PUDP: variants seen among roughly 807,000 people sequenced by gnomAD.
PUDP encodes the protein pseudouridine-5'-phosphatase.
Under a neutral mutation model 9.4 loss-of-function variants are expected in PUDP, and 8 were observed. The ratio of observed to expected loss-of-function variants is 0.85; its 90% CI spans 0.50 to 1.53. The LOEUF is 1.53. Among genes scored for constraint, PUDP ranks in the 40% most tolerant of loss-of-function variants. The pLI, the probability that PUDP is intolerant of heterozygous loss-of-function variation, is 0.00. For missense variants in PUDP, 188 were observed against 189.7 expected (o/e 0.99, Z 0.05); for synonymous variants, 99 against 80.7 (o/e 1.23, Z -1.22).
At chrX:6,802,926 C>A (rs56262770) in intron 3 of PUDP, among the ~76,000 whole-genome samples, 6 of 3,455 alleles carry the variant, frequency 1.7e-3, no homozygotes, top group Admixed American at 5.4e-3. Flanking sequence ...CATAACATAA[C>A]ATAAAATAAT....
intron 3 of PUDP, among the ~76,000 whole-genome samples, chrX:6,796,119 G>T (rs926163639): frequency 3.6e-5 from 4 of 111,976 alleles, no homozygotes; most frequent in Non-Finnish European, 7.5e-5. Flanking sequence ...CAAGTGAAGC[G>T]CAGTGATTCA....
At chrX:6,814,533 T>C (rs1926195906) in intron 3 of PUDP, among the ~76,000 whole-genome samples, 1 of 111,148 alleles carries the variant, frequency 9.0e-6, no homozygotes, top group Admixed American at 9.6e-5. Flanking sequence ...ACCTCCAAAC[T>C]AACCAATGGG....
chrX:6,936,803 C>A (rs1928309856), intron 3 of PUDP, among the ~76,000 whole-genome samples: 1 of 97,242 alleles, frequency 1.0e-5, no homozygotes, highest in South Asian at 5.6e-4. Context: ...GATACAAAAT[C>A]AATGTACAAA....
intron 3 of PUDP, among the ~76,000 whole-genome samples, chrX:6,965,069 G>A (rs1377759304): frequency 1.8e-5 from 2 of 112,021 alleles, no homozygotes; most frequent in Non-Finnish European, 3.8e-5. Flanking sequence ...ATAGGCCAAG[G>A]CTCTCTTCTT....
chrX:6,898,243 G>T (rs1181339514), intron 3 of PUDP, among the ~76,000 whole-genome samples: 2 of 112,806 alleles, frequency 1.8e-5, no homozygotes, highest in African/African-American at 6.4e-5. Context: ...CATCATGGAA[G>T]TAGACACCTC....
chrX:6,707,986 C>T (rs1034946894), intron 1 of PUDP, among the ~76,000 whole-genome samples: 1 of 111,885 alleles, frequency 8.9e-6, no homozygotes, highest in African/African-American at 3.2e-5. Flanking sequence ...TGTTAATTTT[C>T]GACGAAGCTC....
At chrX:6,892,555 G>A (rs991399208) in intron 3 of PUDP, among the ~76,000 whole-genome samples, 3 of 110,259 alleles carry the variant, frequency 2.7e-5, no homozygotes, top group African/African-American at 9.9e-5. Flanking sequence ...GGAAAGACCC[G>A]TCCCCATGAT....
intron 1 of PUDP, among the ~76,000 whole-genome samples, chrX:6,716,288 C>G (rs929679059): frequency 8.1e-5 from 9 of 111,435 alleles, no homozygotes; most frequent in African/African-American, 2.6e-4. Context: ...GATAATGTGT[C>G]AGCAGAATTC....
At chrX:6,953,763 C>A (rs747814776) in intron 3 of PUDP, among the ~76,000 whole-genome samples, 1 of 111,449 alleles carries the variant, frequency 9.0e-6, no homozygotes, top group African/African-American at 3.3e-5. Flanking sequence ...GTCACTTATC[C>A]TCCAAGCCTG....
intron 3 of PUDP, among the ~76,000 whole-genome samples, chrX:6,912,139 G>A (rs1927859148): frequency 1.8e-5 from 2 of 111,706 alleles, no homozygotes; most frequent in Non-Finnish European, 3.8e-5. Flanking sequence ...GTAATGGTCT[G>A]TCTTTGTTTT....
At position 7,016,447 on chromosome X, in the gene PUDP, T is replaced by G. The variant is rs185997065; in HGVS notation, c.205-38104A>C. On this transcript the variant is annotated intron_variant and NMD_transcript_variant, in intron 1 of 3. Transcript: ENST00000655425. ...CTCACTGATAGGCCTGTCATACACC[T>G]TTGGTGGGTAGGGACAGGAAAAGAG... 3.4e-3 allele frequency among the ~76,000 whole-genome samples: 374 copies of G among 111,252 alleles called. 1 individual carries two copies. The highest frequency in any genetic ancestry group is 5.1e-3 in the Non-Finnish European group (270 of 53,008).
intron 3 of PUDP, among the ~76,000 whole-genome samples, chrX:7,072,826 A>AC (rs1251390901): frequency 1.8e-5 from 2 of 109,666 alleles, no homozygotes; most frequent in African/African-American, 6.6e-5. Context: ...AAAAAAAAAA[A>AC]AAAAACAAAA....
intron 3 of PUDP, among the ~76,000 whole-genome samples, chrX:6,775,506 C>CACACACATATACACACAT (rs1555909734): frequency 3.5e-4 from 36 of 101,980 alleles, no homozygotes; most frequent in African/African-American, 1.1e-3. Context: ...CACACACATA[C>CACACACATATACACACAT]ACACACACAC....
chrX:7,131,069 G>A (rs1197497760), intron 1 of PUDP, among the ~76,000 whole-genome samples: 2 of 111,342 alleles, frequency 1.8e-5, no homozygotes, highest in Non-Finnish European at 3.8e-5. Flanking sequence ...CCTAAGAGGT[G>A]CCCAGTCTTT....
chrX:6,791,171 C>T (rs939399253), intron 3 of PUDP, among the ~76,000 whole-genome samples: 1 of 109,452 alleles, frequency 9.1e-6, no homozygotes, highest in Admixed American at 9.8e-5. Context: ...GCCTGGGCAA[C>T]ATGGTGAGAC....
At chrX:7,130,313 G>T (rs745386762) in intron 1 of PUDP, among the ~76,000 whole-genome samples, 96 of 110,258 alleles carry the variant, frequency 8.7e-4, no homozygotes, top group Non-Finnish European at 1.5e-3. Flanking sequence ...TTCGGAGGCT[G>T]ATTGGAGAAT....
chrX:6,877,393 T>TTC (rs1161427104), intron 3 of PUDP, among the ~76,000 whole-genome samples: 1 of 112,034 alleles, frequency 8.9e-6, no homozygotes, highest in Non-Finnish European at 1.9e-5. Flanking sequence ...ACACCAAAAA[T>TTC]TCTCTCTGAA....
chrX:7,131,610 C>T (rs1307810390), intron 1 of PUDP, among the ~76,000 whole-genome samples: 1 of 109,803 alleles, frequency 9.1e-6, no homozygotes, highest in African/African-American at 3.3e-5. Context: ...AAGTAATCTC[C>T]TGTTGTTTTA....
chrX:6,827,331 A>G (rs1191052928), intron 3 of PUDP, among the ~76,000 whole-genome samples: 2 of 111,982 alleles, frequency 1.8e-5, no homozygotes. Flanking sequence ...TTGAAAATGA[A>G]AGTACACTCC....
Sources: gnomAD v4.1 joint callset for allele counts (sites outside exome capture counted in the v4.1 genomes callset) on GRCh38, gnomAD v4.1.1 for gene constraint, MANE v1.5 for transcripts, NCBI Gene and HGNC (gene_info 2026-07-23, HGNC 2026-07-21) for gene names.